The following PTPRG variants were observed in gnomAD, a reference collection of about 807,000 sequenced individuals.
PTPRG encodes receptor-type tyrosine-protein phosphatase gamma.
Under a neutral mutation model 165.3 loss-of-function variants are expected in PTPRG, and 102 were observed. The ratio of observed to expected loss-of-function variants is 0.62; its 90% CI spans 0.53 to 0.73. The LOEUF (loss-of-function observed/expected upper bound fraction) is 0.73. Ranked by LOEUF, PTPRG falls within the 30% of genes least tolerant of loss-of-function variation. The pLI, the probability that PTPRG is intolerant of heterozygous loss-of-function variation, is 0.00. For missense variants in PTPRG, 1,866 were observed against 1,861.4 expected (o/e 1.00, Z -0.05); for synonymous variants, 675 against 669.5 (o/e 1.01, Z -0.13).
intron 2 of PTPRG, among the ~76,000 whole-genome samples, chr3:61,951,430 T>C (rs1057386183): frequency 6.6e-6 from 1 of 152,232 alleles, no homozygotes; most frequent in East Asian, 1.9e-4. Flanking sequence ...GTGCCCTTTG[T>C]AGAAAGATTT....
At chr3:61,563,788 C>T (rs1699832158) in intron 1 of PTPRG, among the ~76,000 whole-genome samples, 1 of 142,740 alleles carries the variant, frequency 7.0e-6, no homozygotes, top group Non-Finnish European at 1.5e-5. Flanking sequence ...GCAGGGCGCG[C>T]GGGAGCCCTC....
At chr3:62,231,566 G>A (rs749064817) in intron 14 of PTPRG, among the ~76,000 whole-genome samples, 17 of 152,080 alleles carry the variant, frequency 1.1e-4, no homozygotes, top group Non-Finnish European at 1.8e-4. Flanking sequence ...ATTTGTTTCC[G>A]GGTTTGTATG....
Position 62,252,440 on chromosome 3 carries a change from C to T in PTPRG, c.2468-2684C>T, listed in dbSNP as rs1054786165. 5.9e-5 allele frequency among the ~76,000 whole-genome samples: 9 copies of T among 152,200 alleles called. No individual in the cohort carries two copies. Among genetic ancestry groups the T allele is most frequent in the Non-Finnish European group, 1.3e-4 (9 of 68,038 alleles). On this transcript the variant is annotated intron_variant, in intron 15 of 29. Transcript: ENST00000474889. This position sits in a 1 kb window ranked among gnomAD's most constrained non-coding sequence, Gnocchi z 4.6. ...AAAACAGTATGCATTTCTTGGAGTA[C>T]ATGTTAATACATATAAAGTACACAG...
chr3:61,721,293 C>T (rs1453122832), intron 1 of PTPRG, among the ~76,000 whole-genome samples: 1 of 152,154 alleles, frequency 6.6e-6, no homozygotes, highest in Non-Finnish European at 1.5e-5. Context: ...TTTGATTGTG[C>T]TGTTAACCAT....
rs1015595407 is a variant in PTPRG at position 61,562,310 on chromosome 3, G to A, written c.23G>A (p.Cys8Tyr). Residue 8 changes from cysteine to tyrosine, a missense_variant, in exon 1 of 30, where the codon TGT (cysteine) becomes TAT (tyrosine). This residue lies in a region of PTPRG where 408 missense variants were observed against 376.2 expected (regional missense o/e 1.08). Coordinates refer to ENST00000474889, the MANE Select transcript of PTPRG (RefSeq NM_002841.4). MRRLLEP[C>Y]WWILFLKITS... is the part of the protein sequence containing the mutation. ...GACATGCGGAGGTTACTGGAACCGTGTTGGTGGATTTTGTTCCTGAAAATC... is the reference window on the plus strand; with the variant it reads ...GACATGCGGAGGTTACTGGAACCGTATTGGTGGATTTTGTTCCTGAAAATC... The A allele has an allele frequency of 6.2e-7, 1 of 1,613,748 alleles. No homozygotes were observed. The highest frequency in any genetic ancestry group is 1.3e-5 in the African/African-American group (1 of 75,042).
intron 6 of PTPRG, among the ~76,000 whole-genome samples, chr3:62,150,194 G>A (rs1026045266): frequency 1.1e-4 from 17 of 152,230 alleles, no homozygotes; most frequent in African/African-American, 4.1e-4. Flanking sequence ...CAAAGCAGCC[G>A]TGAATGGAGT....
chr3:61,896,619 G>T (rs910187879), intron 2 of PTPRG, among the ~76,000 whole-genome samples: 1 of 152,192 alleles, frequency 6.6e-6, no homozygotes, highest in Non-Finnish European at 1.5e-5. Context: ...AGTTTTATGA[G>T]AAATTGGCAA....
chr3:62,230,307 C>T (rs986156425), intron 13 of PTPRG, among the ~76,000 whole-genome samples: 17 of 152,142 alleles, frequency 1.1e-4, no homozygotes, highest in African/African-American at 3.6e-4. Flanking sequence ...AAACCACCAG[C>T]GGACTCAATA....
intron 2 of PTPRG, among the ~76,000 whole-genome samples, chr3:61,759,484 G>A (rs888423163): frequency 1.3e-5 from 2 of 151,818 alleles, no homozygotes; most frequent in Non-Finnish European, 2.9e-5. Flanking sequence ...GTGAGGACCT[G>A]TCTCTACAAA....
At chr3:61,654,782 CTTTTTTTT>C (rs5849443) in intron 1 of PTPRG, among the ~76,000 whole-genome samples, 1 of 129,430 alleles carries the variant, frequency 7.7e-6, no homozygotes. Context: ...TGTGCTTTTT[CTTTTTTTT>C]TTTTTTTTTG....
intron 2 of PTPRG, among the ~76,000 whole-genome samples, chr3:61,798,549 CT>C (rs1322765897): frequency 6.6e-6 from 1 of 150,420 alleles, no homozygotes; most frequent in Non-Finnish European, 1.5e-5. Flanking sequence ...TTCACAGTCA[CT>C]TTGCATTTTA....
At position 61,585,603 on chromosome 3, in the gene PTPRG, C is replaced by T. The variant is rs552288666; in HGVS notation, c.85+23231C>T. ...CTACAAAAAAAGTACAAAAATTAGCCAGGTGTGGTTCCGTGTGCCTATAGT... is the reference window on the plus strand; with the variant it reads ...CTACAAAAAAAGTACAAAAATTAGCTAGGTGTGGTTCCGTGTGCCTATAGT... On this transcript the variant is annotated intron_variant, in intron 1 of 29. Coordinates refer to ENST00000474889, the MANE Select transcript of PTPRG (RefSeq NM_002841.4). 2.3e-3 allele frequency among the ~76,000 whole-genome samples: 353 copies of T among 151,932 alleles called. 2 individuals carry two copies. The highest frequency in any genetic ancestry group is 8.0e-3 in the African/African-American group (333 of 41,412).
At chr3:62,132,556 C>T (rs1328728088) in intron 5 of PTPRG, 46 bp from the exon 6 acceptor site, 5 of 1,442,916 alleles carry the variant, frequency 3.5e-6, no homozygotes, top group Admixed American at 3.3e-5. Flanking sequence ...ACTGTTGTGC[C>T]TGATGCCAGA....
intron 6 of PTPRG, among the ~76,000 whole-genome samples, chr3:62,138,809 G>A (rs1028149941): frequency 1.3e-5 from 2 of 150,484 alleles, no homozygotes; most frequent in Admixed American, 1.3e-4. Context: ...TGTGCGTTAT[G>A]TCCTGTGTCA....
In PTPRG at chr3:61,832,192, C is replaced by T. The variant is rs566537426; in HGVS notation, c.190+83210C>T. Among the ~76,000 whole-genome samples, 3 of 152,314 alleles carry T rather than the reference C, an allele frequency of 2.0e-5. No individual in the cohort carries two copies. In the East Asian group the frequency reaches 5.8e-4, roughly 29 times the overall value. The stretch of plus-strand genomic sequence containing the variant: ...CATTTCCATTTAGCTGTAATGGGCA[C>T]ATTCTCCCCACAGCTGTGCTTTTCG... On this transcript the variant is annotated intron_variant, in intron 2 of 29. Transcript: ENST00000474889.
intron 4 of PTPRG, among the ~76,000 whole-genome samples, chr3:62,032,021 T>C (rs1165711434): frequency 1.3e-5 from 2 of 152,212 alleles, no homozygotes; most frequent in Admixed American, 6.5e-5. Flanking sequence ...TTGAGAGGCA[T>C]TAATATGCAC....
chr3:61,997,049 C>T (rs375018501), intron 3 of PTPRG, among the ~76,000 whole-genome samples: 9 of 152,258 alleles, frequency 5.9e-5, no homozygotes, highest in South Asian at 4.1e-4. Context: ...TCTTTCGTGT[C>T]TTATATGGTT....
chr3:61,623,258 C>A (rs541637015), intron 1 of PTPRG, among the ~76,000 whole-genome samples: 1 of 152,260 alleles, frequency 6.6e-6, no homozygotes, highest in Non-Finnish European at 1.5e-5. Flanking sequence ...ATTGGCCCTA[C>A]CATGTTTTGT....
chr3:61,862,508 C>T (rs537846528), intron 2 of PTPRG, among the ~76,000 whole-genome samples: 3 of 151,984 alleles, frequency 2.0e-5, no homozygotes, highest in Admixed American at 1.3e-4. Context: ...CTGCCTCAGC[C>T]TCCCGAGTAG....
Sources: gnomAD v4.1 joint callset for allele counts (sites outside exome capture counted in the v4.1 genomes callset) on GRCh38, gnomAD v4.1.1 for gene constraint, gnomAD v4.1.1 regional missense constraint, Gnocchi (gnomAD v3.1) non-coding constraint, MANE v1.5 for transcripts, NCBI Gene and HGNC (gene_info 2026-07-23, HGNC 2026-07-21) for gene names.